The following CADM2 variants were observed in gnomAD, a reference collection of about 807,000 sequenced individuals.
CADM2 encodes the protein cell adhesion molecule 2, also known as immunoglobulin superfamily member 4D.
Under a neutral mutation model 49.8 loss-of-function variants are expected in CADM2, and 12 were observed. That is an observed-to-expected ratio of 0.24 (90% CI 0.15 to 0.39). The LOEUF (loss-of-function observed/expected upper bound fraction) is 0.39. Ranked by LOEUF, CADM2 falls within the 10% of genes least tolerant of loss-of-function variation. CADM2 has a pLI of 1.00. For synonymous variants in CADM2, 214 were observed against 175.4 expected (o/e 1.22, Z -1.74); for missense variants, 378 against 492.3 (o/e 0.77, Z 2.20).
At chr3:85,871,231 C>A (rs776549416) in intron 3 of CADM2, among the ~76,000 whole-genome samples, 20 of 152,152 alleles carry the variant, frequency 1.3e-4, no homozygotes, top group Non-Finnish European at 2.6e-4. Context: ...CATGAACAGA[C>A]AGTTTTCAAA....
intron 1 of CADM2, among the ~76,000 whole-genome samples, chr3:85,037,287 G>A (rs1406114950): frequency 1.3e-5 from 2 of 152,124 alleles, no homozygotes; most frequent in South Asian, 2.1e-4. Flanking sequence ...CATCTTTCTC[G>A]TATTTCCCTG....
intron 1 of CADM2, among the ~76,000 whole-genome samples, chr3:85,402,571 T>C (rs1305685700): frequency 6.6e-6 from 1 of 152,004 alleles, no homozygotes; most frequent in African/African-American, 2.4e-5. Flanking sequence ...TAAAAAAAAA[T>C]CCATCAATTT....
At chr3:86,035,930 G>T (rs958309492) in intron 8 of CADM2, among the ~76,000 whole-genome samples, 2 of 152,052 alleles carry the variant, frequency 1.3e-5, no homozygotes, top group African/African-American at 4.8e-5. Context: ...CTTGCAGAAG[G>T]CCATTTTCTT....
intron 2 of CADM2, among the ~76,000 whole-genome samples, chr3:85,778,663 C>G (rs1188187347): frequency 6.6e-6 from 1 of 152,112 alleles, no homozygotes; most frequent in Non-Finnish European, 1.5e-5. Flanking sequence ...TTATAAATCT[C>G]CCAGTCTTGG....
intron 1 of CADM2, among the ~76,000 whole-genome samples, chr3:85,558,385 G>T: frequency 6.6e-6 from 1 of 151,876 alleles, no homozygotes; most frequent in Non-Finnish European, 1.5e-5. Context: ...AGTAATTATC[G>T]TGTTGATTCT....
chr3:85,802,062 T>A lies in CADM2; in HGVS notation c.104T>A (p.Phe35Tyr), dbSNP rs1370622834. The A allele has an allele frequency of 1.2e-6, 2 of 1,609,308 alleles. No homozygotes were observed. Among genetic ancestry groups the A allele is most frequent in the African/African-American group, 2.7e-5 (2 of 74,770 alleles). Residue 35 changes from phenylalanine to tyrosine, a missense_variant, in exon 3 of 10, where the codon TTT (phenylalanine) becomes TAT (tyrosine). Coordinates refer to ENST00000383699, the MANE Select transcript of CADM2 (RefSeq NM_001167675.2). ...KNKVKGSQGQFPLTQNVTVVE... is the reference protein window; with the variant it reads ...KNKVKGSQGQYPLTQNVTVVE... ...CCCCTTTTAGGCAGCCAAGGGCAGT[T>A]TCCACTAACACAGAATGTAACCGTT...
intron 1 of CADM2, among the ~76,000 whole-genome samples, chr3:85,248,486 G>A (rs1418245238): frequency 6.6e-6 from 1 of 152,080 alleles, no homozygotes; most frequent in Non-Finnish European, 1.5e-5. Context: ...ATGTTACCCC[G>A]GCTGGTCTTG....
intron 3 of CADM2, among the ~76,000 whole-genome samples, chr3:85,827,771 A>G (rs1426178743): frequency 6.6e-6 from 1 of 151,944 alleles, no homozygotes; most frequent in East Asian, 1.9e-4. Context: ...TATTGTTTTT[A>G]ACTCATAAAA....
chr3:85,958,071 A>G (rs1724277894), intron 7 of CADM2, among the ~76,000 whole-genome samples: 2 of 152,044 alleles, frequency 1.3e-5, no homozygotes, highest in South Asian at 4.1e-4. Context: ...AATATTTAGA[A>G]TCTACAAGGA....
intron 1 of CADM2, among the ~76,000 whole-genome samples, chr3:85,357,448 A>T (rs1454985303): frequency 6.6e-6 from 1 of 152,140 alleles, no homozygotes; most frequent in Non-Finnish European, 1.5e-5. Flanking sequence ...TCTCTCAAAG[A>T]TCAGATAATT....
chr3:85,828,382 T>A (rs1236917705), intron 3 of CADM2, among the ~76,000 whole-genome samples: 2 of 151,910 alleles, frequency 1.3e-5, no homozygotes, highest in Non-Finnish European at 2.9e-5. Flanking sequence ...AGGAATAATC[T>A]TTGAACTGTA....
In CADM2 at chr3:85,769,374, G is replaced by A. The variant is rs867362553; in HGVS notation, c.89-32673G>A. Among the ~76,000 whole-genome samples, 51 of 67,124 alleles carry A rather than the reference G, an allele frequency of 7.6e-4. 1 individual carries two copies. The highest frequency in any genetic ancestry group is 4.8e-3 in the South Asian group (12 of 2,502). 44.0% of individuals were successfully genotyped at this position (67,124 alleles called of 152,430 possible). ...ATACATATATAGTATATATATACAC[G>A]TATATACATATATACATATATAGTA... is the stretch of plus-strand genomic sequence containing the variant. On this transcript the variant is annotated intron_variant, in intron 2 of 9. Coordinates refer to ENST00000383699, the MANE Select transcript of CADM2 (RefSeq NM_001167675.2).
chr3:85,162,053 T>A (rs58157551), intron 1 of CADM2, among the ~76,000 whole-genome samples: 60 of 152,122 alleles, frequency 3.9e-4, no homozygotes, highest in African/African-American at 1.4e-3. Context: ...AACAAGTACC[T>A]TTGTCTTTTA....
chr3:85,550,058 G>A (rs530674036), intron 1 of CADM2, among the ~76,000 whole-genome samples: 1 of 152,142 alleles, frequency 6.6e-6, no homozygotes, highest in African/African-American at 2.4e-5. Context: ...AACACTCTTA[G>A]GAGGCAAACA....
At chr3:85,219,229 C>T (rs2041995100) in intron 1 of CADM2, among the ~76,000 whole-genome samples, 1 of 152,156 alleles carries the variant, frequency 6.6e-6, no homozygotes, top group South Asian at 2.1e-4. Flanking sequence ...ACATTGTTTC[C>T]TAATCAGAGA....
intron 1 of CADM2, among the ~76,000 whole-genome samples, chr3:85,393,382 C>G (rs1043687881): frequency 2.0e-5 from 3 of 152,110 alleles, no homozygotes; most frequent in African/African-American, 7.2e-5. Context: ...ATTCCCAAAG[C>G]ACATGTCAAT....
intron 1 of CADM2, among the ~76,000 whole-genome samples, chr3:85,202,754 A>T (rs1275620468): frequency 3.9e-5 from 6 of 152,192 alleles, no homozygotes; most frequent in Non-Finnish European, 5.9e-5. Flanking sequence ...CTTTCTAGCT[A>T]TGACAGCCCT....
chr3:85,217,460 G>C (rs1041102075), intron 1 of CADM2, among the ~76,000 whole-genome samples: 1 of 151,944 alleles, frequency 6.6e-6, no homozygotes, highest in African/African-American at 2.4e-5. Context: ...CATCTAATTA[G>C]ACCTACAAAC....
At chr3:85,083,107 T>G (rs548127418) in intron 1 of CADM2, among the ~76,000 whole-genome samples, 1 of 152,212 alleles carries the variant, frequency 6.6e-6, no homozygotes, top group Admixed American at 6.5e-5. Context: ...GTGTATTATA[T>G]ACATAGTATA....
Sources: allele counts gnomAD v4.1 joint callset (sites outside exome capture counted in the v4.1 genomes callset), GRCh38; gene constraint gnomAD v4.1.1; transcripts MANE v1.5; gene names NCBI Gene and HGNC (gene_info 2026-07-23, HGNC 2026-07-21).